ADGRL2: variants seen among roughly 807,000 people sequenced by gnomAD.
The protein encoded by ADGRL2 is adhesion G protein-coupled receptor L2, also known as calcium-independent alpha-latrotoxin receptor 2.
Under a neutral mutation model 157.4 loss-of-function variants are expected in ADGRL2, and 44 were observed. That is an observed-to-expected ratio of 0.28 (90% CI 0.22 to 0.36). ADGRL2 has a LOEUF of 0.36. Ranked by LOEUF, ADGRL2 falls within the 10% of genes least tolerant of loss-of-function variation. The pLI, the probability that ADGRL2 is intolerant of heterozygous loss-of-function variation, is 1.00. For synonymous variants in ADGRL2, 585 were observed against 624.7 expected, an observed-to-expected ratio of 0.94 and a Z score of 0.95; for missense variants, 1,510 against 1,768.9, an observed-to-expected ratio of 0.85 and a Z score of 2.63.
chr1:81,850,933 A>T (rs191221339), intron 2 of ADGRL2, among the ~76,000 whole-genome samples: 1 of 151,902 alleles, frequency 6.6e-6, no homozygotes, highest in Non-Finnish European at 1.5e-5. Flanking sequence ...AGGCATTCAA[A>T]ACTATTTTAA....
At chr1:81,541,231 T>G (rs1211161824) in intron 2 of ADGRL2, among the ~76,000 whole-genome samples, 1 of 152,244 alleles carries the variant, frequency 6.6e-6, no homozygotes, top group Non-Finnish European at 1.5e-5. Context: ...TATGTCTGTG[T>G]TGTATCCTGC....
chr1:81,656,141 G>C (rs1013278932), intron 3 of ADGRL2, among the ~76,000 whole-genome samples: 1 of 152,184 alleles, frequency 6.6e-6, no homozygotes, highest in Non-Finnish European at 1.5e-5. Flanking sequence ...GGAGGAGAGA[G>C]TCTTATGGAG....
Position 81,476,629 on chromosome 1 carries a change from A to G in ADGRL2, c.-248+31540A>G, listed in dbSNP as rs116161872. Among the ~76,000 whole-genome samples, 374 of 152,138 alleles carry G rather than the reference A, an allele frequency of 2.5e-3. 1 individual carries two copies. The highest frequency in any genetic ancestry group is 8.8e-3 in the African/African-American group (365 of 41,478). On this transcript the variant is annotated intron_variant, in intron 2 of 24. Transcript: ENST00000370721. ...CCCATTTTCCTGTCAATTCTTTTCAATGGATTCCATAGAAATCTCGCAAAG... is the reference window on the plus strand; with the variant it reads ...CCCATTTTCCTGTCAATTCTTTTCAGTGGATTCCATAGAAATCTCGCAAAG...
At chr1:81,624,601 G>A (rs915295176) in intron 3 of ADGRL2, among the ~76,000 whole-genome samples, 1 of 151,968 alleles carries the variant, frequency 6.6e-6, no homozygotes, top group East Asian at 1.9e-4. Flanking sequence ...CTGACGTTGT[G>A]AAAACAAATA....
At chr1:81,503,276 CTG>C in intron 2 of ADGRL2, 1 of 1,614,216 alleles carries the variant, frequency 6.2e-7, no homozygotes, top group Middle Eastern at 1.7e-4. Flanking sequence ...GTTAACATGT[CTG>C]TGGACATCGA....
At chr1:81,857,133 G>A (rs1023391410) in intron 2 of ADGRL2, among the ~76,000 whole-genome samples, 1 of 152,088 alleles carries the variant, frequency 6.6e-6, no homozygotes, top group Non-Finnish European at 1.5e-5. Context: ...TTACATTTTA[G>A]CCAAGGAAAC....
intron 1 of ADGRL2, among the ~76,000 whole-genome samples, chr1:81,700,380 A>G (rs1478919002): frequency 6.6e-6 from 1 of 152,212 alleles, no homozygotes; most frequent in Non-Finnish European, 1.5e-5. Context: ...ATAAGGATTC[A>G]AAAAGTCTTA....
chr1:81,866,992 T>C (rs1203275019), intron 2 of ADGRL2, among the ~76,000 whole-genome samples: 1 of 152,132 alleles, frequency 6.6e-6, no homozygotes, highest in African/African-American at 2.4e-5. Context: ...AAGTGGCAAG[T>C]AAGTGCTTCA....
At chr1:81,518,812 A>AG (rs1191263173) in intron 2 of ADGRL2, among the ~76,000 whole-genome samples, 3 of 151,796 alleles carry the variant, frequency 2.0e-5, no homozygotes, top group Non-Finnish European at 4.4e-5. Context: ...AAAAAAAAAA[A>AG]GGTATTTATC....
At chr1:81,945,867 A>C (rs1649647153) in intron 6 of ADGRL2, among the ~76,000 whole-genome samples, 1 of 96,460 alleles carries the variant, frequency 1.0e-5, no homozygotes, top group African/African-American at 4.3e-5. Flanking sequence ...ACCCATATTC[A>C]TTCTCTCTCT....
intron 2 of ADGRL2, among the ~76,000 whole-genome samples, chr1:81,509,010 T>A (rs1018054711): frequency 3.9e-5 from 6 of 152,348 alleles, no homozygotes; most frequent in Non-Finnish European, 8.8e-5. Context: ...TGCAGTATCA[T>A]AGCTCATCTT....
At chr1:81,969,624 A>G (rs1658140392) in intron 15 of ADGRL2, among the ~76,000 whole-genome samples, 1 of 152,196 alleles carries the variant, frequency 6.6e-6, no homozygotes, top group African/African-American at 2.4e-5. Context: ...TTATTAAGAC[A>G]TAATTTTAAT....
chr1:81,618,327 T>C (rs1570652403), intron 3 of ADGRL2, among the ~76,000 whole-genome samples: 1 of 152,184 alleles, frequency 6.6e-6, no homozygotes, highest in East Asian at 1.9e-4. Context: ...TCCCTTGCTG[T>C]AGCTCATGAT....
At chr1:81,466,070 GA>G (rs2078045884) in intron 2 of ADGRL2, among the ~76,000 whole-genome samples, 1 of 152,246 alleles carries the variant, frequency 6.6e-6, no homozygotes, top group Non-Finnish European at 1.5e-5. Flanking sequence ...ATGTGTCAGA[GA>G]AGTATTGTAA....
At chr1:81,916,393 G>C (rs1167202051) in intron 3 of ADGRL2, among the ~76,000 whole-genome samples, 3 of 152,228 alleles carry the variant, frequency 2.0e-5, no homozygotes, top group East Asian at 3.9e-4. Context: ...TTCAGTTACA[G>C]TTGTAAAAAA....
At chr1:81,733,885 C>T (rs1001916606) in intron 1 of ADGRL2, among the ~76,000 whole-genome samples, 1 of 152,082 alleles carries the variant, frequency 6.6e-6, no homozygotes, top group Admixed American at 6.6e-5. Flanking sequence ...CTAATAGGTA[C>T]AAGGCTTAAT....
chr1:81,642,748 T>C (rs892429388), intron 3 of ADGRL2, among the ~76,000 whole-genome samples: 1 of 152,156 alleles, frequency 6.6e-6, no homozygotes, highest in Non-Finnish European at 1.5e-5. Flanking sequence ...TAGGATTTAT[T>C]CCAGGTATGC....
At chr1:81,612,968 G>C (rs2081572913) in intron 3 of ADGRL2, among the ~76,000 whole-genome samples, 1 of 152,086 alleles carries the variant, frequency 6.6e-6, no homozygotes, top group African/African-American at 2.4e-5. Context: ...GTACCATGAA[G>C]GGTACTATAA....
chr1:81,373,427 A>G (rs1444046736), intron 1 of ADGRL2, among the ~76,000 whole-genome samples: 1 of 152,184 alleles, frequency 6.6e-6, no homozygotes, highest in Non-Finnish European at 1.5e-5. Flanking sequence ...AGATTCAAAA[A>G]GGCTTAATAA....
Sources: gnomAD v4.1 joint callset for allele counts (sites outside exome capture counted in the v4.1 genomes callset) on GRCh38, gnomAD v4.1.1 for gene constraint, MANE v1.5 for transcripts, NCBI Gene and HGNC (gene_info 2026-07-23, HGNC 2026-07-21) for gene names.